Variants in DLGAP1 observed in about 807,000 individuals in gnomAD.
DLGAP1 encodes DLG associated protein 1.
DLGAP1 carries 11 observed loss-of-function variants against 90.8 expected under a neutral mutation model. That is an observed-to-expected ratio of 0.12 (90% CI 0.08 to 0.20). DLGAP1 has a LOEUF of 0.20. Ranked by LOEUF, DLGAP1 falls within the 10% of genes least tolerant of loss-of-function variation. DLGAP1 has a pLI of 1.00. For missense variants in DLGAP1, 1,050 were observed against 1,333.8 expected (o/e 0.79, Z 3.31); for synonymous variants, 558 against 540.7 (o/e 1.03, Z -0.44).
chr18:4,149,282 G>A (rs532573453), intron 2 of DLGAP1, among the ~76,000 whole-genome samples: 52 of 152,176 alleles, frequency 3.4e-4, no homozygotes, highest in African/African-American at 1.2e-3. Context: ...TACTGAAGAC[G>A]GACAATTTAT....
intron 1 of DLGAP1, among the ~76,000 whole-genome samples, chr18:4,327,311 C>T (rs1166597750): frequency 1.3e-5 from 2 of 151,916 alleles, no homozygotes; most frequent in Non-Finnish European, 2.9e-5. Context: ...ATCAAAACAT[C>T]ACATTACATC....
rs2049737664 is a variant in DLGAP1 at position 3,497,605 on chromosome 18, G to A, written c.*1580C>T. The stretch of plus-strand genomic sequence containing the variant: ...AAGCTTCTCTGGTGCAAGCATGTTT[G>A]ATGTATGTTTTTAAAAGTCTTTCGT... On this transcript the variant is annotated 3_prime_UTR_variant, in exon 13 of 13. Coordinates refer to ENST00000315677, the MANE Select transcript of DLGAP1 (RefSeq NM_004746.4). 6.6e-6 allele frequency: 1 copy of A among 152,190 alleles called. No individual in the cohort carries two copies. Among genetic ancestry groups the A allele is most frequent in the South Asian group, 2.1e-4 (1 of 4,834 alleles). The allele number at this position is 152,190 out of a possible 1,614,324, so 9.4% of individuals were successfully genotyped here.
chr18:4,424,235 T>C (rs2083104051), intron 1 of DLGAP1, among the ~76,000 whole-genome samples: 1 of 152,146 alleles, frequency 6.6e-6, no homozygotes, highest in Non-Finnish European at 1.5e-5. Context: ...TAGTGGAAGT[T>C]GGCAAAGAGT....
chr18:4,410,818 C>A (rs1171095647), intron 1 of DLGAP1, among the ~76,000 whole-genome samples: 1 of 152,156 alleles, frequency 6.6e-6, no homozygotes, highest in Non-Finnish European at 1.5e-5. Flanking sequence ...ATGGATCTCA[C>A]AATTATAACC....
chr18:4,176,766 A>G (rs1568498), intron 1 of DLGAP1, among the ~76,000 whole-genome samples: 1 of 152,170 alleles, frequency 6.6e-6, no homozygotes. Flanking sequence ...TTGTTCTGAG[A>G]TAAGTTGGCC....
intron 6 of DLGAP1, among the ~76,000 whole-genome samples, chr18:3,740,494 C>T (rs922397474): frequency 1.3e-5 from 2 of 152,246 alleles, no homozygotes; most frequent in Admixed American, 6.5e-5. Flanking sequence ...CCCTACTCTG[C>T]CCTTGGAGCC....
intron 4 of DLGAP1, among the ~76,000 whole-genome samples, chr18:3,833,220 TCCTTCCTTCCTTCCTTCCTC>T (rs1301070619): frequency 4.4e-4 from 28 of 64,200 alleles, no homozygotes; most frequent in South Asian, 6.3e-4. Context: ...CTTCCTTCCT[TCCTTCCTTCCTTCCTTCCTC>T]CTTGTTTTTT....
chr18:4,329,379 A>AT lies in DLGAP1; in HGVS notation c.-267+125626dup, dbSNP rs567424964. On this transcript the variant is annotated intron_variant, in intron 1 of 12. Coordinates refer to ENST00000315677, the MANE Select transcript of DLGAP1 (RefSeq NM_004746.4). ...TGTATTCTTATTGCAATATCACACT[A>AT]TCTTGACTATTTTAGCAGTAGAGTA... Among the ~76,000 whole-genome samples the AT allele has an allele frequency of 2.9e-3, 445 of 152,040 alleles. 2 individuals carry two copies. The highest frequency in any genetic ancestry group is 1.0e-2 in the African/African-American group (415 of 41,542).
chr18:3,754,723 C>CAAAAA (rs1161245616), intron 5 of DLGAP1, among the ~76,000 whole-genome samples: 18 of 58,764 alleles, frequency 3.1e-4, no homozygotes, highest in South Asian at 6.3e-4. Flanking sequence ...TACTAAAATA[C>CAAAAA]AAAAAAAAAA....
intron 8 of DLGAP1, among the ~76,000 whole-genome samples, chr18:3,573,901 T>G (rs2054954235): frequency 6.6e-6 from 1 of 152,112 alleles, no homozygotes; most frequent in Non-Finnish European, 1.5e-5. Context: ...AAGGTCTCGT[T>G]ATGTTGCTTA....
At chr18:4,000,733 T>C (rs1187649363) in intron 3 of DLGAP1, among the ~76,000 whole-genome samples, 1 of 152,256 alleles carries the variant, frequency 6.6e-6, no homozygotes, top group African/African-American at 2.4e-5. Context: ...AAATATTTTA[T>C]ACCATTGTCT....
At chr18:3,590,940 T>G (rs906476551) in intron 7 of DLGAP1, among the ~76,000 whole-genome samples, 1 of 152,140 alleles carries the variant, frequency 6.6e-6, no homozygotes, top group African/African-American at 2.4e-5. Context: ...TATAGAGTGT[T>G]TTACCTGTTG....
At chr18:4,251,925 G>C (rs2078787399) in intron 1 of DLGAP1, among the ~76,000 whole-genome samples, 1 of 152,174 alleles carries the variant, frequency 6.6e-6, no homozygotes, top group Non-Finnish European at 1.5e-5. Context: ...CAGTGTTGTT[G>C]GGATGGGGAG....
chr18:4,433,956 CACACCCT>C, intron 1 of DLGAP1, among the ~76,000 whole-genome samples: 1 of 152,208 alleles, frequency 6.6e-6, no homozygotes, highest in East Asian at 1.9e-4. Flanking sequence ...CATCTGGTCA[CACACCCT>C]ACATTCCAGC....
At chr18:4,446,271 T>G (rs192900124) in intron 1 of DLGAP1, among the ~76,000 whole-genome samples, 1 of 152,158 alleles carries the variant, frequency 6.6e-6, no homozygotes, top group South Asian at 2.1e-4. Context: ...AATGGGATTG[T>G]TGCTCTTTTG....
At chr18:4,042,369 C>A (rs1295528954) in intron 2 of DLGAP1, among the ~76,000 whole-genome samples, 3 of 152,196 alleles carry the variant, frequency 2.0e-5, no homozygotes, top group Admixed American at 1.3e-4. Context: ...CAATATATTA[C>A]ATGATATTTT....
At chr18:3,802,688 A>G (rs1304706560) in intron 5 of DLGAP1, among the ~76,000 whole-genome samples, 3 of 150,054 alleles carry the variant, frequency 2.0e-5, no homozygotes, top group Non-Finnish European at 2.9e-5. Context: ...TAATGATACA[A>G]AATTGTTTTC....
At chr18:4,282,722 C>A (rs1265971557) in intron 1 of DLGAP1, among the ~76,000 whole-genome samples, 2 of 152,088 alleles carry the variant, frequency 1.3e-5, no homozygotes. Flanking sequence ...TAGAAGTAAC[C>A]TTTTCTGTGA....
chr18:4,073,617 C>T (rs1034209113), intron 2 of DLGAP1, among the ~76,000 whole-genome samples: 1 of 151,992 alleles, frequency 6.6e-6, no homozygotes, highest in Non-Finnish European at 1.5e-5. Flanking sequence ...TAATGTTAGG[C>T]AGAAATAAAT....
Sources: gnomAD v4.1 joint callset for allele counts (sites outside exome capture counted in the v4.1 genomes callset) on GRCh38, gnomAD v4.1.1 for gene constraint, MANE v1.5 for transcripts, NCBI Gene and HGNC (gene_info 2026-07-23, HGNC 2026-07-21) for gene names.